PRPF3: variants seen among roughly 807,000 people sequenced by gnomAD.
PRPF3 encodes pre-mRNA processing factor 3.
Under a neutral mutation model 89.2 loss-of-function variants are expected in PRPF3, and 3 were observed. The observed-to-expected ratio is 0.03, with a 90% CI of 0.02 to 0.09. The LOEUF (loss-of-function observed/expected upper bound fraction) is 0.09, where lower values mean the gene tolerates loss of function less well. Among genes scored for constraint, PRPF3 ranks in the 10% least tolerant of loss-of-function variants. The probability of loss-of-function intolerance (pLI) is 1.00; values close to 1 mark genes in which losing one functional copy is unlikely to be tolerated. For missense variants in PRPF3, 463 were observed against 828.8 expected, an observed-to-expected ratio of 0.56 and a Z score of 5.42; for synonymous variants, 270 against 289.1, an observed-to-expected ratio of 0.93 and a Z score of 0.67.
intron 8 of PRPF3, among the ~76,000 whole-genome samples, chr1:150,338,966 T>G (rs782121523): frequency 7.2e-5 from 11 of 152,214 alleles, no homozygotes; most frequent in Non-Finnish European, 1.6e-4. Context: ...TAGCATTATT[T>G]TCCTTAATTA....
chr1:150,339,737 GTTTTTTTTTT>G (rs71578484), intron 8 of PRPF3, among the ~76,000 whole-genome samples: 2 of 110,266 alleles, frequency 1.8e-5, no homozygotes, highest in Non-Finnish European at 3.6e-5. Flanking sequence ...CACGCCTGGC[GTTTTTTTTTT>G]TTTTTTTTTT....
intron 1 of PRPF3, among the ~76,000 whole-genome samples, chr1:150,324,126 T>G (rs1303299569): frequency 1.3e-5 from 2 of 152,116 alleles, no homozygotes; most frequent in Non-Finnish European, 2.9e-5. Context: ...CTAAGATGAC[T>G]GACCTGGATA....
chr1:150,352,739 A>G lies in PRPF3; in HGVS notation c.1906-94A>G, dbSNP rs1453046849. Reference sequence around the variant, plus strand: ...CATAAAATCACGTTCAGCTGGGCACATGTCTCACAAATGTTACTAGGTCTT... The same window carrying G: ...CATAAAATCACGTTCAGCTGGGCACGTGTCTCACAAATGTTACTAGGTCTT... On this transcript the variant is annotated intron_variant, in intron 15 of 15. Coordinates refer to ENST00000324862, the MANE Select transcript of PRPF3 (RefSeq NM_004698.4). 4.4e-6 allele frequency: 6 copies of G among 1,354,430 alleles called. No individual in the cohort carries two copies. The East Asian group carries it at 7.5e-5, about 17-fold the overall frequency. 83.9% of individuals were successfully genotyped at this position (1,354,430 alleles called of 1,614,324 possible). A position where few individuals can be genotyped will look rare whatever the true frequency, so the allele number is the denominator to read the frequency against.
intron 4 of PRPF3, 90 bp from the exon 5 acceptor site, chr1:150,332,594 A>C: frequency 1.6e-6 from 2 of 1,243,312 alleles, no homozygotes; most frequent in Non-Finnish European, 2.4e-6. Flanking sequence ...TTAAGTGTCT[A>C]GACCTGAGAG....
At chr1:150,323,349 G>C (rs987474046) in intron 1 of PRPF3, among the ~76,000 whole-genome samples, 3 of 149,366 alleles carry the variant, frequency 2.0e-5, no homozygotes, top group Non-Finnish European at 4.4e-5. Context: ...GCTAATTTTT[G>C]TATTTTTAGT....
chr1:150,325,215 T>A (rs1655572503), intron 2 of PRPF3, 128 bp downstream of exon 2: 1 of 1,060,436 alleles, frequency 9.4e-7, no homozygotes, highest in Non-Finnish European at 1.3e-6. Context: ...TTTTCACCTG[T>A]ATTATAGTGA....
At chr1:150,331,272 C>T (rs782124482) in intron 4 of PRPF3, among the ~76,000 whole-genome samples, 7 of 152,202 alleles carry the variant, frequency 4.6e-5, no homozygotes, top group African/African-American at 2.4e-5. Context: ...CTCCTGACCT[C>T]GTGATCCACC....
intron 14 of PRPF3, 142 bp downstream of exon 14, chr1:150,346,633 C>A: frequency 1.2e-6 from 1 of 814,544 alleles, no homozygotes. Context: ...CCCGTTTAGA[C>A]TTTGAGCCTC....
chr1:150,343,997 G>A (rs1658042277), intron 10 of PRPF3, among the ~76,000 whole-genome samples, 165 bp from the exon 11 acceptor site: 1 of 152,218 alleles, frequency 6.6e-6, no homozygotes, highest in Non-Finnish European at 1.5e-5. Context: ...TGCAAATGCT[G>A]AAGTGATTGG....
At position 150,333,106 on chromosome 1, in the gene PRPF3, G is replaced by A. The variant is rs782318341; in HGVS notation, c.635G>A (p.Arg212Gln). The A allele has an allele frequency of 2.5e-6, 4 of 1,614,176 alleles. No individual in the cohort carries two copies. Among genetic ancestry groups the A allele is most frequent in the Non-Finnish European group, 3.4e-6 (4 of 1,180,038 alleles). Reference sequence around the variant, plus strand: ...AGGAAAGCAGCTGAACTGCAAGCTCGAATCCAAGCCCAGCTGGCACTGAAG... The same window carrying A: ...AGGAAAGCAGCTGAACTGCAAGCTCAAATCCAAGCCCAGCTGGCACTGAAG... ...KARKAAELQA[R>Q]IQAQLALKPG... is the part of the protein sequence containing the mutation. Residue 212 changes from arginine to glutamine, a missense_variant, in exon 6 of 16, where the codon CGA becomes CAA. Arg to Gln is a conservative substitution (Grantham distance 43, BLOSUM62 1). Transcript: ENST00000324862.
chr1:150,343,286 A>G (rs377601843), intron 9 of PRPF3, 23 bp from the exon 10 acceptor site: 3 of 1,587,112 alleles, frequency 1.9e-6, no homozygotes, highest in African/African-American at 2.7e-5. Context: ...CTGCTTTGGT[A>G]TACTAATATC....
intron 4 of PRPF3, 27 bp from the exon 5 acceptor site, chr1:150,332,657 T>C: frequency 1.2e-6 from 2 of 1,609,710 alleles, no homozygotes; most frequent in Non-Finnish European, 1.7e-6. Flanking sequence ...AAATTAACAG[T>C]TTTTCAATTT....
At position 150,353,225 on chromosome 1, in the gene PRPF3, A is replaced by G. The variant is rs1659117839; in HGVS notation, c.*246A>G. On this transcript the variant is annotated 3_prime_UTR_variant, in exon 16 of 16. Transcript: ENST00000324862. ...GTGTGATATTTTTCACACATTCGTA[A>G]GTATTAGAGTTTGGGTCTACAGGTG... 2.0e-6 allele frequency: 1 copy of G among 509,154 alleles called. No individual in the cohort carries two copies. Among genetic ancestry groups the G allele is most frequent in the African/African-American group, 1.9e-5 (1 of 51,868 alleles). The allele number at this position is 509,154 out of a possible 1,614,324, so 31.5% of individuals were successfully genotyped here.
intron 6 of PRPF3, among the ~76,000 whole-genome samples, chr1:150,333,592 C>G (rs587653444): frequency 6.6e-6 from 1 of 152,204 alleles, no homozygotes; most frequent in South Asian, 2.1e-4. Flanking sequence ...TACTGATCCT[C>G]TTTTTCCACA....
At chr1:150,344,644 C>A in intron 12 of PRPF3, 97 bp downstream of exon 12, 2 of 1,276,094 alleles carry the variant, frequency 1.6e-6, no homozygotes, top group African/African-American at 1.5e-5. Flanking sequence ...GCATACCTAA[C>A]ACCAGTTCCT....
intron 15 of PRPF3, among the ~76,000 whole-genome samples, chr1:150,351,698 A>G (rs987810336): frequency 8.4e-6 from 1 of 119,046 alleles, no homozygotes; most frequent in Non-Finnish European, 1.9e-5. Flanking sequence ...TTTTTTAGAA[A>G]TGGATCTCAC....
chr1:150,337,097 G>A (rs1222298416), intron 7 of PRPF3, among the ~76,000 whole-genome samples: 2 of 137,940 alleles, frequency 1.4e-5, no homozygotes, highest in Non-Finnish European at 3.0e-5. Flanking sequence ...GCAGTGCAGT[G>A]GCACGATCTC....
intron 15 of PRPF3, 92 bp downstream of exon 15, chr1:150,349,310 C>A: frequency 1.0e-6 from 1 of 954,664 alleles, no homozygotes; most frequent in South Asian, 1.3e-5. Flanking sequence ...AAGATGTAAT[C>A]AGTGAATAAT....
At chr1:150,352,776 A>G (rs1202569412) in intron 15 of PRPF3, 57 bp from the exon 16 acceptor site, 34 of 1,557,922 alleles carry the variant, frequency 2.2e-5, no homozygotes, top group Non-Finnish European at 2.7e-5. Flanking sequence ...TTATAAAAGA[A>G]TATTATCTGA....
Sources: gnomAD v4.1 joint callset for allele counts (sites outside exome capture counted in the v4.1 genomes callset) on GRCh38, gnomAD v4.1.1 for gene constraint, MANE v1.5 for transcripts, NCBI Gene and HGNC (gene_info 2026-07-23, HGNC 2026-07-21) for gene names.